ZC3H12B: variants seen among roughly 807,000 people sequenced by gnomAD.
ZC3H12B encodes the protein probable ribonuclease ZC3H12B.
In ZC3H12B, 7 loss-of-function variants were observed where a neutral mutation model predicts 43.9. The ratio of observed to expected loss-of-function variants is 0.16; its 90% CI spans 0.09 to 0.30. The LOEUF is 0.30. Ranked by LOEUF, ZC3H12B falls within the 10% of genes least tolerant of loss-of-function variation. The pLI is 1.00. For synonymous variants in ZC3H12B, 222 were observed against 241.7 expected, an observed-to-expected ratio of 0.92 and a Z score of 0.76; for missense variants, 475 against 670.2, an observed-to-expected ratio of 0.71 and a Z score of 3.22.
the ZC3H12B span, among the ~76,000 whole-genome samples, chrX:65,313,858 A>G: frequency 8.9e-6 from 1 of 112,271 alleles, no homozygotes; most frequent in Non-Finnish European, 1.9e-5. Context: ...GACTCAGATG[A>G]TGGAATTAAA....
chrX:65,154,249 A>C, the ZC3H12B span, among the ~76,000 whole-genome samples: 1 of 112,479 alleles, frequency 8.9e-6, no homozygotes, highest in Non-Finnish European at 1.9e-5. Context: ...AATTTAAAAA[A>C]ATAAATTAAA....
chrX:65,176,263 A>G, the ZC3H12B span, among the ~76,000 whole-genome samples: 1 of 111,676 alleles, frequency 9.0e-6, no homozygotes, highest in Non-Finnish European at 1.9e-5. Context: ...CAGTGTAAAG[A>G]AAGCCACCAG....
the ZC3H12B span, among the ~76,000 whole-genome samples, chrX:65,037,196 C>G: frequency 9.0e-6 from 1 of 110,563 alleles, no homozygotes; most frequent in Non-Finnish European, 1.9e-5. Context: ...CCATGGTCAA[C>G]AATTGGAACA....
chrX:65,331,715 G>T, the ZC3H12B span, among the ~76,000 whole-genome samples: 1 of 110,907 alleles, frequency 9.0e-6, no homozygotes, highest in East Asian at 2.8e-4. Flanking sequence ...TTGATTATAT[G>T]CTAAGCAAGG....
chrX:65,235,935 A>T, the ZC3H12B span, among the ~76,000 whole-genome samples: 1 of 111,789 alleles, frequency 8.9e-6, no homozygotes, highest in Non-Finnish European at 1.9e-5. Context: ...CACAGAGCAG[A>T]ATTTTATTGA....
chrX:65,483,013 G>T lies in ZC3H12B; in HGVS notation n.408-5633G>T, dbSNP rs765713575. 1.9e-3 allele frequency among the ~76,000 whole-genome samples: 211 copies of T among 112,122 alleles called. 1 individual carries two copies. Among genetic ancestry groups the T allele is most frequent in the African/African-American group, 6.8e-3 (210 of 30,957 alleles). On this transcript the variant is annotated intron_variant and non_coding_transcript_variant, in intron 3 of 5. Coordinates refer to the ZC3H12B transcript ENST00000617377. The stretch of plus-strand genomic sequence containing the variant: ...TAGTTTAATCATACAAAGCTCTTGG[G>T]TCTCCTTTGAAATGAAATCCTAAAT...
At chrX:65,215,735 A>C in the ZC3H12B span, among the ~76,000 whole-genome samples, 30 of 111,807 alleles carry the variant, frequency 2.7e-4, 1 homozygote, top group African/African-American at 9.1e-4. Context: ...ACTGTTTGGC[A>C]GAAGAGGCCT....
chrX:65,405,974 A>G (rs988817843), intron 3 of ZC3H12B, among the ~76,000 whole-genome samples: 1 of 111,685 alleles, frequency 9.0e-6, no homozygotes, highest in Non-Finnish European at 1.9e-5. Flanking sequence ...CAGACCAATA[A>G]CAAGTAATAA....
chrX:65,293,363 G>T, the ZC3H12B span, among the ~76,000 whole-genome samples: 1 of 110,619 alleles, frequency 9.0e-6, no homozygotes, highest in African/African-American at 3.3e-5. Context: ...CAGCTCTTGA[G>T]CCCCAGATCT....
intron 2 of ZC3H12B, among the ~76,000 whole-genome samples, chrX:65,373,382 C>T (rs1035567537): frequency 9.0e-6 from 1 of 111,420 alleles, no homozygotes; most frequent in Non-Finnish European, 1.9e-5. Context: ...CCAGCCATCC[C>T]ATTACTGGGT....
the ZC3H12B span, among the ~76,000 whole-genome samples, chrX:65,164,698 G>A: frequency 8.9e-6 from 1 of 111,791 alleles, no homozygotes; most frequent in South Asian, 3.7e-4. Context: ...TTCTTTTACT[G>A]TCATAATTTT....
At chrX:65,324,627 T>C in the ZC3H12B span, among the ~76,000 whole-genome samples, 1 of 111,573 alleles carries the variant, frequency 9.0e-6, no homozygotes. Flanking sequence ...CTGTTATTGA[T>C]TTCTGGTTTT....
At chrX:65,300,043 A>G in the ZC3H12B span, among the ~76,000 whole-genome samples, 112 of 112,576 alleles carry the variant, frequency 9.9e-4, no homozygotes, top group African/African-American at 3.3e-3. Context: ...AGTTTGTCTC[A>G]CAAGGGTGTT....
chrX:65,373,909 T>TATATA (rs1412172865), intron 2 of ZC3H12B, among the ~76,000 whole-genome samples: 6 of 979 alleles, frequency 6.1e-3, no homozygotes, highest in African/African-American at 0.012. Context: ...ATATATATAG[T>TATATA]TATATATATA....
intron 3 of ZC3H12B, among the ~76,000 whole-genome samples, chrX:65,464,366 G>A (rs1033372601): frequency 9.0e-6 from 1 of 111,112 alleles, no homozygotes; most frequent in African/African-American, 3.3e-5. Context: ...GTCTTTCTAG[G>A]AATTTGGACA....
the ZC3H12B span, among the ~76,000 whole-genome samples, chrX:65,061,173 A>C: frequency 9.1e-6 from 1 of 110,263 alleles, no homozygotes; most frequent in South Asian, 3.8e-4. Context: ...TTATACTTTA[A>C]GTTCAGGGAT....
At chrX:65,176,287 G>C in the ZC3H12B span, among the ~76,000 whole-genome samples, 1 of 111,580 alleles carries the variant, frequency 9.0e-6, no homozygotes, top group Non-Finnish European at 1.9e-5. Flanking sequence ...GATCGAACTG[G>C]GTGGAGCACA....
the ZC3H12B span, among the ~76,000 whole-genome samples, chrX:65,173,275 T>C: frequency 8.9e-6 from 1 of 112,229 alleles, no homozygotes; most frequent in South Asian, 3.7e-4. Context: ...TGATTTTGTA[T>C]CCTGACACTT....
At chrX:65,313,003 T>C in the ZC3H12B span, among the ~76,000 whole-genome samples, 1 of 111,783 alleles carries the variant, frequency 8.9e-6, no homozygotes, top group African/African-American at 3.3e-5. Context: ...TGCCTCAGTC[T>C]CTTGAGTAGC....
Sources: allele counts gnomAD v4.1 joint callset (sites outside exome capture counted in the v4.1 genomes callset), GRCh38; gene constraint gnomAD v4.1.1; transcripts MANE v1.5; gene names NCBI Gene and HGNC (gene_info 2026-07-23, HGNC 2026-07-21).